AFG2A: variants seen among roughly 807,000 people sequenced by gnomAD.
AFG2A encodes the protein ATPase family gene 2 protein homolog A.
the AFG2A span, among the ~76,000 whole-genome samples, chr4:123,073,177 T>TC: frequency 6.6e-6 from 1 of 151,996 alleles, no homozygotes; most frequent in Non-Finnish European, 1.5e-5. Flanking sequence ...TATTCTTTTT[T>TC]TTTTAAACTG....
the AFG2A span, among the ~76,000 whole-genome samples, chr4:123,123,893 A>G: frequency 2.2e-5 from 3 of 137,678 alleles, no homozygotes; most frequent in Non-Finnish European, 4.6e-5. Context: ...CGGAGCTTGC[A>G]GTGAGTCGAG....
the AFG2A span, among the ~76,000 whole-genome samples, chr4:123,009,597 A>C: frequency 6.6e-6 from 1 of 152,172 alleles, no homozygotes; most frequent in Admixed American, 6.5e-5. Context: ...ACATGTGGTC[A>C]TCATGTTTCT....
the AFG2A span, among the ~76,000 whole-genome samples, chr4:122,923,504 T>C: frequency 2.6e-5 from 4 of 152,264 alleles, no homozygotes; most frequent in East Asian, 7.7e-4. Flanking sequence ...GAAGTTAGGC[T>C]GAAATGGTTT....
chr4:123,233,817 T>C, the AFG2A span, among the ~76,000 whole-genome samples: 8 of 151,980 alleles, frequency 5.3e-5, no homozygotes, highest in Non-Finnish European at 1.2e-4. Context: ...GAAAATACTT[T>C]CCAAGACTTT....
the AFG2A span, among the ~76,000 whole-genome samples, chr4:123,085,667 T>C: frequency 6.6e-6 from 1 of 152,160 alleles, no homozygotes; most frequent in Admixed American, 6.5e-5. Flanking sequence ...CTCTGTTCTT[T>C]AATTGGTGCA....
chr4:123,309,170 A>G, the AFG2A span, among the ~76,000 whole-genome samples: 3 of 152,242 alleles, frequency 2.0e-5, no homozygotes, highest in Non-Finnish European at 4.4e-5. Flanking sequence ...TAGGAGGGGA[A>G]GAGTTCTATG....
chr4:123,088,729 C>T, the AFG2A span, among the ~76,000 whole-genome samples: 1 of 152,136 alleles, frequency 6.6e-6, no homozygotes, highest in Non-Finnish European at 1.5e-5. Flanking sequence ...CTCTCTCTCT[C>T]TCCTCCTGCC....
chr4:123,151,771 A>G, the AFG2A span, among the ~76,000 whole-genome samples: 23,305 of 152,174 alleles, frequency 0.15, 2,188 homozygotes, highest in East Asian at 0.45. Context: ...TAGCAATTCC[A>G]TTACTGGGTA....
the AFG2A span, among the ~76,000 whole-genome samples, chr4:123,138,432 A>G: frequency 2.0e-5 from 3 of 152,338 alleles, no homozygotes; most frequent in Admixed American, 1.3e-4. Context: ...TCATTGTCAT[A>G]AAAGCTTACT....
chr4:123,060,900 A>C, the AFG2A span, among the ~76,000 whole-genome samples: 3 of 152,138 alleles, frequency 2.0e-5, no homozygotes, highest in African/African-American at 7.2e-5. Flanking sequence ...CTGCTTAGAA[A>C]TTTCTTCCAC....
the AFG2A span, among the ~76,000 whole-genome samples, chr4:122,939,071 C>CTCTCTTTTTTTTTTTTTTT: frequency 1.3e-4 from 10 of 76,210 alleles, 5 homozygotes; most frequent in Non-Finnish European, 1.5e-4. Flanking sequence ...GGGATATGTT[C>CTCTCTTTTTTTTTTTTTTT]TTTCTTTTTT....
chr4:123,004,209 G>C, the AFG2A span, among the ~76,000 whole-genome samples: 4 of 152,180 alleles, frequency 2.6e-5, no homozygotes, highest in Admixed American at 2.0e-4. Flanking sequence ...GGTGCCCTCT[G>C]TTACCCCTTT....
the AFG2A span, among the ~76,000 whole-genome samples, chr4:123,179,250 C>A: frequency 6.6e-6 from 1 of 152,180 alleles, no homozygotes; most frequent in Non-Finnish European, 1.5e-5. Context: ...GTTGCCTCCC[C>A]ACCTGGATAA....
the AFG2A span, among the ~76,000 whole-genome samples, chr4:122,931,107 ATT>A: frequency 1.3e-5 from 2 of 152,050 alleles, no homozygotes; most frequent in South Asian, 4.2e-4. Flanking sequence ...TGCAACTATT[ATT>A]TTTTTAAAAG....
chr4:122,947,511 A>C, the AFG2A span: 1 of 1,558,390 alleles, frequency 6.4e-7, no homozygotes, highest in Non-Finnish European at 8.7e-7. Flanking sequence ...TGCTATGGTG[A>C]GTCTCTATTG....
the AFG2A span, among the ~76,000 whole-genome samples, chr4:123,174,347 A>G: frequency 6.6e-6 from 1 of 152,224 alleles, no homozygotes; most frequent in African/African-American, 2.4e-5. Context: ...ATGAAGAGCT[A>G]TAACATGTCT....
chr4:123,005,393 G>T, the AFG2A span, among the ~76,000 whole-genome samples: 15 of 152,286 alleles, frequency 9.8e-5, no homozygotes, highest in East Asian at 1.5e-3. Context: ...GGCCTCAAGT[G>T]ATCTGCCCAC....
At chr4:123,206,144 G>A in the AFG2A span, among the ~76,000 whole-genome samples, 1 of 152,118 alleles carries the variant, frequency 6.6e-6, no homozygotes, top group Non-Finnish European at 1.5e-5. Context: ...TTTTCGAAAT[G>A]TCTACACATG....
the AFG2A span, among the ~76,000 whole-genome samples, chr4:123,251,183 T>C: frequency 0.51 from 77,972 of 152,068 alleles, 24,621 homozygotes; most frequent in Non-Finnish European, 0.67. Flanking sequence ...TGCTGTGTTC[T>C]TTCAACTATT....
Sources: gnomAD v4.1 joint callset for allele counts (sites outside exome capture counted in the v4.1 genomes callset) on GRCh38, gnomAD v4.1.1 for gene constraint, MANE v1.5 for transcripts, NCBI Gene and HGNC (gene_info 2026-07-23, HGNC 2026-07-21) for gene names.